The following SLC7A7 variants were observed in gnomAD, a reference collection of about 807,000 sequenced individuals.
SLC7A7 encodes solute carrier family 7 member 7, also known as Y+L amino acid transporter 1.
Under a neutral mutation model 47.9 loss-of-function variants are expected in SLC7A7, and 39 were observed. The ratio of observed to expected loss-of-function variants is 0.81; its 90% confidence interval spans 0.63 to 1.06. The LOEUF is 1.06. SLC7A7 is among the 50% of genes least tolerant of loss of function. The pLI, the probability that SLC7A7 is intolerant of heterozygous loss-of-function variation, is 0.00. For synonymous variants in SLC7A7, 234 were observed against 242.8 expected (o/e 0.96, Z 0.34); for missense variants, 588 against 632.0 (o/e 0.93, Z 0.75).
At chr14:22,815,570 C>T, upstream of SLC7A7, 1 of 454,136 alleles carries the variant, frequency 2.2e-6, no homozygotes, top group South Asian at 1.6e-5. Flanking sequence ...CCCTTCACAT[C>T]TGCAAAAGGG....
chr14:22,779,700 C>T (rs1167315937), intron 3 of SLC7A7, among the ~76,000 whole-genome samples: 2 of 152,006 alleles, frequency 1.3e-5, no homozygotes, highest in Non-Finnish European at 2.9e-5. Flanking sequence ...TGGATCCACC[C>T]GCGATGGCCT....
chr14:22,808,585 T>C (rs1302151663), intron 2 of SLC7A7, among the ~76,000 whole-genome samples: 64 of 152,036 alleles, frequency 4.2e-4, no homozygotes, highest in Admixed American at 4.1e-3. Context: ...GGCAGGCAGA[T>C]AGCTTGAGCC....
intron 9 of SLC7A7, 33 bp downstream of exon 9, chr14:22,773,900 A>G (rs776403143): frequency 3.1e-6 from 5 of 1,613,206 alleles, no homozygotes; most frequent in East Asian, 4.5e-5. Flanking sequence ...AAGCTCTGCA[A>G]TAGCTGAGCG....
intron 4 of SLC7A7, 80 bp downstream of exon 4, chr14:22,778,713 G>A: frequency 6.8e-7 from 1 of 1,474,760 alleles, no homozygotes; most frequent in Non-Finnish European, 9.4e-7. Context: ...TAGTGGTTGT[G>A]GTATGCTGTC....
chr14:22,812,998 A>ATGGTG lies in SLC7A7; in HGVS notation c.400_401insCACCA (p.Ile134ThrfsTer38). ...GTAGTTGGCAAAGGTGATGGCAATGATGGCCTGGCTGGTGGGCTCAATGAT... is the reference window on the plus strand; with the variant it reads ...GTAGTTGGCAAAGGTGATGGCAATGATGGTGTGGCCTGGCTGGTGGGCTCAATGAT... On this transcript the variant is annotated frameshift_variant, in exon 2 of 10. Transcript: ENST00000674313. LOFTEE classifies it high-confidence loss of function. 6.2e-7 allele frequency: 1 copy of ATGGTG among 1,614,034 alleles called. No individual in the cohort carries two copies. Among genetic ancestry groups the ATGGTG allele is most frequent in the Non-Finnish European group, 8.5e-7 (1 of 1,179,996 alleles).
intron 2 of SLC7A7, among the ~76,000 whole-genome samples, chr14:22,804,180 A>C (rs1368806456): frequency 6.6e-6 from 1 of 152,156 alleles, no homozygotes; most frequent in African/African-American, 2.4e-5. Context: ...GCCCTTCCTT[A>C]TATCTTATAC....
upstream of SLC7A7, among the ~76,000 whole-genome samples, chr14:22,817,682 G>A (rs1464723171): frequency 3.3e-5 from 5 of 152,230 alleles, no homozygotes; most frequent in Admixed American, 2.6e-4. Flanking sequence ...TTGCCATGTT[G>A]GCCAGGCCGG....
chr14:22,791,294 A>G (rs1429941621), intron 2 of SLC7A7, among the ~76,000 whole-genome samples: 3 of 152,128 alleles, frequency 2.0e-5, no homozygotes, highest in Admixed American at 6.6e-5. Flanking sequence ...TCTTTCTGGT[A>G]TCTTAGAATC....
chr14:22,780,042 G>T lies in SLC7A7; in HGVS notation c.509C>A (p.Thr170Asn), dbSNP rs1168370521. Reference protein sequence around the residue: ...LLAAACICLLTFINCAYVKWG... With the variant: ...LLAAACICLLNFINCAYVKWG... Reference sequence around the variant, plus strand: ...TTTGACATAGGCACAGTTAATGAAGGTTAAGAGACCTGAAAGAAAAATAAT... The same window carrying T: ...TTTGACATAGGCACAGTTAATGAAGTTTAAGAGACCTGAAAGAAAAATAAT... The change falls in exon 3 of 10, where the codon ACC becomes AAC. Residue 170 changes from threonine (T) to asparagine (N), a missense_variant. Transcript: ENST00000674313. The T allele has an allele frequency of 1.2e-6, 2 of 1,613,848 alleles. No homozygotes were observed. The highest frequency in any genetic ancestry group is 2.7e-5 in the African/African-American group (2 of 74,876).
chr14:22,802,133 T>A (rs1222702662), intron 2 of SLC7A7, among the ~76,000 whole-genome samples: 3 of 152,192 alleles, frequency 2.0e-5, no homozygotes, highest in Non-Finnish European at 2.9e-5. Flanking sequence ...GCACGGTAGG[T>A]GGCTCACGCC....
chr14:22,790,341 A>C (rs890596417), intron 2 of SLC7A7, among the ~76,000 whole-genome samples: 7 of 151,342 alleles, frequency 4.6e-5, no homozygotes, highest in African/African-American at 1.5e-4. Flanking sequence ...AAAAAAAAAA[A>C]AAAAAAAAAA....
At chr14:22,774,217 C>T (rs991250425) in intron 8 of SLC7A7, 101 bp from the exon 9 acceptor site, 1 of 1,588,670 alleles carries the variant, frequency 6.3e-7, no homozygotes, top group Non-Finnish European at 8.6e-7. Flanking sequence ...GCCTTCTTTC[C>T]ATACCTTTAA....
chr14:22,817,144 T>TA (rs2039418039), upstream of SLC7A7: 2 of 156,028 alleles, frequency 1.3e-5, no homozygotes, highest in Non-Finnish European at 2.8e-5. Context: ...TTTTTTTTTT[T>TA]ATTTATTTTC....
chr14:22,775,721 G>C, intron 6 of SLC7A7, 112 bp downstream of exon 6: 2 of 942,028 alleles, frequency 2.1e-6, no homozygotes, highest in South Asian at 2.6e-5. Context: ...CAAGAAGAAA[G>C]AGGTTGTGGT....
In SLC7A7 at chr14:22,774,100, G is replaced by A. The variant is rs756903324; in HGVS notation, c.1262C>T (p.Pro421Leu). 22 of 1,614,098 alleles carry A rather than the reference G, an allele frequency of 1.4e-5. No individual in the cohort carries two copies. Among genetic ancestry groups the A allele is most frequent in the Non-Finnish European group, 1.9e-5 (22 of 1,180,022 alleles). The change falls in exon 9 of 10, where the codon CCG becomes CTG. Residue 421 changes from proline (P) to leucine (L), a missense_variant. By Grantham distance (98) the Pro-to-Leu change is moderately conservative. Coordinates refer to ENST00000674313, the MANE Select transcript of SLC7A7 (RefSeq NM_003982.4). ...PRPLKLSVFF[P>L]IVFCLCTIFL... is the part of the protein sequence containing the mutation. ...GATGGTGCAGAGGCAGAAGACAATC[G>A]GGAAGAAAACGCTGAGCTAAGGGCA...
intron 2 of SLC7A7, among the ~76,000 whole-genome samples, chr14:22,792,238 G>A (rs1170295996): frequency 1.3e-5 from 2 of 152,062 alleles, no homozygotes; most frequent in African/African-American, 4.8e-5. Flanking sequence ...GATAGCAGAT[G>A]GCCTTCAAAT....
intron 2 of SLC7A7, among the ~76,000 whole-genome samples, chr14:22,792,719 T>C (rs1172457715): frequency 6.6e-6 from 1 of 151,384 alleles, no homozygotes; most frequent in Non-Finnish European, 1.5e-5. Context: ...TAGCCAGCCG[T>C]GGTGGCGCAC....
In SLC7A7 at chr14:22,813,277, T is replaced by C. The variant is rs1339446299; in HGVS notation, c.122A>G (p.Asn41Ser). The C allele has an allele frequency of 6.2e-7, 1 of 1,614,160 alleles. No individual in the cohort carries two copies. Among genetic ancestry groups the C allele is most frequent in the Non-Finnish European group, 8.5e-7 (1 of 1,179,990 alleles). ...GTTCCCCACAATCAGGCACACGCCGTTAAGCAGTGAGATCTCCTTCTTCAG... is the reference window on the plus strand; with the variant it reads ...GTTCCCCACAATCAGGCACACGCCGCTAAGCAGTGAGATCTCCTTCTTCAG... The part of the protein sequence containing the change: ...VKLKKEISLL[N>S]GVCLIVGNMI... The change falls in exon 2 of 10, where the codon AAC (asparagine) becomes AGC (serine). Residue 41 changes from asparagine to serine, a missense_variant. Asn to Ser is a conservative substitution (Grantham distance 46). Coordinates refer to ENST00000674313, the MANE Select transcript of SLC7A7 (RefSeq NM_003982.4).
intron 2 of SLC7A7, among the ~76,000 whole-genome samples, chr14:22,801,281 A>C (rs1218264139): frequency 6.6e-6 from 1 of 152,082 alleles, no homozygotes; most frequent in Non-Finnish European, 1.5e-5. Context: ...TCAGTGCCTG[A>C]AAGGAGCACT....
Sources: allele counts gnomAD v4.1 joint callset (sites outside exome capture counted in the v4.1 genomes callset), GRCh38; gene constraint gnomAD v4.1.1; transcripts MANE v1.5; gene names NCBI Gene and HGNC (gene_info 2026-07-23, HGNC 2026-07-21).